The following BST1 variants were observed in gnomAD, a reference collection of about 807,000 sequenced individuals.
BST1 encodes the protein bone marrow stromal cell antigen 1.
Under a neutral mutation model 40.6 loss-of-function variants are expected in BST1, and 49 were observed. The observed-to-expected ratio is 1.21, with a 90% confidence interval of 0.96 to 1.53. BST1 has a LOEUF of 1.53. Ranked by LOEUF, BST1 falls within the 40% of genes most tolerant of loss-of-function variation. The pLI is 0.00. For synonymous variants in BST1, 157 were observed against 159.3 expected, an observed-to-expected ratio of 0.99 and a Z score of 0.11; for missense variants, 423 against 395.9, an observed-to-expected ratio of 1.07 and a Z score of -0.58.
rs370624722 is a variant in BST1 at position 15,722,946 on chromosome 4, T to C, written c.851+12T>C. On this transcript the variant is annotated intron_variant, in intron 8 of 8. Coordinates refer to ENST00000265016, the MANE Select transcript of BST1 (RefSeq NM_004334.3). ...TGTGCCTTAAAGTCGTAAGTAAATGTCTTAACCCAAATCGTTCTTTCCAAA... is the reference window on the plus strand; with the variant it reads ...TGTGCCTTAAAGTCGTAAGTAAATGCCTTAACCCAAATCGTTCTTTCCAAA... 1 of 1,612,136 alleles carries C rather than the reference T, an allele frequency of 6.2e-7. No homozygotes were observed. Among genetic ancestry groups the C allele is most frequent in the Admixed American group, 1.7e-5 (1 of 59,964 alleles).
chr4:15,761,793 T>C, the BST1 span, among the ~76,000 whole-genome samples: 2 of 151,998 alleles, frequency 1.3e-5, no homozygotes, highest in African/African-American at 2.4e-5. Context: ...CACAGCCAGG[T>C]AAATAGCAGA....
the BST1 span, among the ~76,000 whole-genome samples, chr4:15,757,420 C>T: frequency 1.3e-5 from 2 of 152,052 alleles, no homozygotes; most frequent in South Asian, 4.1e-4. Flanking sequence ...GGTCAAATAC[C>T]AGCTCCACTG....
chr4:15,768,849 G>C, the BST1 span, among the ~76,000 whole-genome samples: 1 of 152,166 alleles, frequency 6.6e-6, no homozygotes, highest in African/African-American at 2.4e-5. Flanking sequence ...GGAAAAAAAA[G>C]CCCTCCTGAC....
chr4:15,759,053 G>A, the BST1 span, among the ~76,000 whole-genome samples: 2 of 151,864 alleles, frequency 1.3e-5, no homozygotes, highest in African/African-American at 4.9e-5. Flanking sequence ...ACGTATCTGT[G>A]TGTCCTCAGT....
the BST1 span, among the ~76,000 whole-genome samples, chr4:15,761,469 T>C: frequency 6.6e-6 from 1 of 152,008 alleles, no homozygotes; most frequent in Non-Finnish European, 1.5e-5. Context: ...CGTATTGAAG[T>C]GCTAAAAAAC....
At chr4:15,703,727 T>G in intron 1 of BST1, among the ~76,000 whole-genome samples, 1 of 137,550 alleles carries the variant, frequency 7.3e-6, no homozygotes, top group Non-Finnish European at 1.6e-5. Context: ...GGTGTGTGTG[T>G]GTGTGTGTGC....
the BST1 span, among the ~76,000 whole-genome samples, chr4:15,762,336 A>T: frequency 5.9e-5 from 9 of 151,852 alleles, no homozygotes; most frequent in African/African-American, 1.9e-4. Context: ...ATAAGTAGAA[A>T]GGTAAGTAAA....
downstream of BST1, chr4:15,737,785 A>G: frequency 3.9e-6 from 5 of 1,286,334 alleles, no homozygotes; most frequent in Non-Finnish European, 5.1e-6. Flanking sequence ...GAACCTGAAC[A>G]GGAAACTGTG....
chr4:15,719,007 A>G lies in BST1; in HGVS notation c.791+14A>G, dbSNP rs1281812254. The G allele has an allele frequency of 6.8e-6, 11 of 1,609,266 alleles. No individual in the cohort carries two copies. Among genetic ancestry groups the G allele is most frequent in the Non-Finnish European group, 9.3e-6 (11 of 1,176,684 alleles). ...TAATGATTACCGGTAGGTGGCCTATATATCAATGTGCTCTTGTAGAGGTGG... is the reference window on the plus strand; with the variant it reads ...TAATGATTACCGGTAGGTGGCCTATGTATCAATGTGCTCTTGTAGAGGTGG... On this transcript the variant is annotated intron_variant, in intron 7 of 8. Transcript: ENST00000265016.
At chr4:15,736,083 G>A, downstream of BST1, 1 of 1,288,930 alleles carries the variant, frequency 7.8e-7, no homozygotes, top group Non-Finnish European at 1.0e-6. Flanking sequence ...CATTAGGAGT[G>A]CGACCCAGAG....
chr4:15,741,169 T>C (rs138387508), downstream of BST1, among the ~76,000 whole-genome samples: 50 of 152,182 alleles, frequency 3.3e-4, no homozygotes, highest in African/African-American at 1.2e-3. Flanking sequence ...TACAGACAAG[T>C]AGAATCACAG....
downstream of BST1, among the ~76,000 whole-genome samples, chr4:15,734,545 A>G (rs1295572154): frequency 6.6e-6 from 1 of 152,120 alleles, no homozygotes; most frequent in Non-Finnish European, 1.5e-5. Flanking sequence ...GGGTTTACAT[A>G]GCAGGAAGGA....
At chr4:15,707,327 G>A (rs1460729546) in intron 2 of BST1, among the ~76,000 whole-genome samples, 184 bp from the exon 3 acceptor site, 1 of 152,146 alleles carries the variant, frequency 6.6e-6, no homozygotes, top group Non-Finnish European at 1.5e-5. Context: ...GGAATAAAGG[G>A]AGGAGAGATG....
chr4:15,703,865 C>G (rs1719709215), intron 1 of BST1, among the ~76,000 whole-genome samples: 1 of 90,268 alleles, frequency 1.1e-5, no homozygotes, highest in Admixed American at 1.2e-4. Context: ...GGGGTGTGTG[C>G]ATGTGTGTTC....
downstream of BST1, chr4:15,743,085 T>C (rs115482504): frequency 0.013 from 2,080 of 155,776 alleles, 53 homozygotes; most frequent in African/African-American, 0.047. Context: ...ACAGACCTTT[T>C]TGAAGTATGT....
At chr4:15,760,061 C>G in the BST1 span, among the ~76,000 whole-genome samples, 1 of 152,000 alleles carries the variant, frequency 6.6e-6, no homozygotes, top group Non-Finnish European at 1.5e-5. Context: ...CAAGGAAACC[C>G]CATTCCTATT....
At chr4:15,758,793 A>T in the BST1 span, among the ~76,000 whole-genome samples, 3 of 150,354 alleles carry the variant, frequency 2.0e-5, no homozygotes, top group East Asian at 5.8e-4. Flanking sequence ...AATATGCAGT[A>T]TTATTTAAGA....
intron 8 of BST1, chr4:15,731,316 G>A: frequency 3.9e-6 from 2 of 509,214 alleles, no homozygotes; most frequent in South Asian, 2.0e-5. Flanking sequence ...CATACTCTTG[G>A]CCAGTTTCTT....
chr4:15,705,183 C>T (rs1560275928), intron 1 of BST1, among the ~76,000 whole-genome samples: 1 of 151,870 alleles, frequency 6.6e-6, no homozygotes, highest in Non-Finnish European at 1.5e-5. Flanking sequence ...ACTGGCCCCA[C>T]CGTTAGGTCT....
Sources: gnomAD v4.1 joint callset for allele counts (sites outside exome capture counted in the v4.1 genomes callset) on GRCh38, gnomAD v4.1.1 for gene constraint, MANE v1.5 for transcripts, NCBI Gene and HGNC (gene_info 2026-07-23, HGNC 2026-07-21) for gene names.